KLF12: variants seen among roughly 807,000 people sequenced by gnomAD.
The protein encoded by KLF12 is KLF transcription factor 12, also known as Krueppel-like factor 12.
In KLF12, 9 loss-of-function variants were observed where a neutral mutation model predicts 37.8. The ratio of observed to expected loss-of-function variants is 0.24; its 90% CI spans 0.14 to 0.42. The LOEUF is 0.42. KLF12 is among the 10% of genes least tolerant of loss of function. The pLI, the probability that KLF12 is intolerant of heterozygous loss-of-function variation, is 1.00. For synonymous variants in KLF12, 208 were observed against 202.1 expected (o/e 1.03, Z -0.25); for missense variants, 411 against 516.0 (o/e 0.80, Z 1.97).
chr13:74,267,772 G>A, the KLF12 span, among the ~76,000 whole-genome samples: 2 of 152,148 alleles, frequency 1.3e-5, no homozygotes, highest in Non-Finnish European at 2.9e-5. Flanking sequence ...TGTTTTAGGT[G>A]ATGGATACCC....
chr13:73,847,047 C>CAA (rs1566413493), intron 3 of KLF12, among the ~76,000 whole-genome samples: 1 of 152,114 alleles, frequency 6.6e-6, no homozygotes, highest in South Asian at 2.1e-4. Context: ...CACCTGCACT[C>CAA]TTTTAAGTTT....
intron 1 of KLF12, among the ~76,000 whole-genome samples, chr13:74,007,331 A>G (rs1216660253): frequency 6.6e-6 from 1 of 151,242 alleles, no homozygotes; most frequent in Non-Finnish European, 1.5e-5. Flanking sequence ...GTTGGAGTGC[A>G]GTGGCGCGAT....
At chr13:73,822,346 T>C (rs1012522628) in intron 4 of KLF12, among the ~76,000 whole-genome samples, 2 of 152,220 alleles carry the variant, frequency 1.3e-5, no homozygotes, top group Admixed American at 1.3e-4. Flanking sequence ...GGCTTTCCTT[T>C]CAGGAAATCA....
chr13:73,707,751 G>A (rs965276915), intron 7 of KLF12, among the ~76,000 whole-genome samples: 3 of 152,180 alleles, frequency 2.0e-5, no homozygotes, highest in Non-Finnish European at 4.4e-5. Context: ...AGGATGCACA[G>A]CTGTCACAAA....
chr13:74,036,574 A>C (rs1260973702), intron 1 of KLF12, among the ~76,000 whole-genome samples: 1 of 152,188 alleles, frequency 6.6e-6, no homozygotes, highest in Non-Finnish European at 1.5e-5. Context: ...TTCTATCCAG[A>C]TGACAGAGGA....
chr13:73,880,292 A>G (rs115034457), intron 3 of KLF12, among the ~76,000 whole-genome samples: 1,699 of 152,300 alleles, frequency 0.011, 34 homozygotes, highest in African/African-American at 0.038. Flanking sequence ...CTCCAAATGA[A>G]CAAACACCAA....
chr13:73,919,677 A>G lies in KLF12; in HGVS notation c.123+24304T>C, dbSNP rs113829449. On this transcript the variant is annotated intron_variant, in intron 3 of 7. Coordinates refer to ENST00000377669, the MANE Select transcript of KLF12 (RefSeq NM_007249.5). ...CTATATCATTAACATTGCACGCCATATTGTTGTGAATCAATCCTCTAATTT... is the reference window on the plus strand; with the variant it reads ...CTATATCATTAACATTGCACGCCATGTTGTTGTGAATCAATCCTCTAATTT... Among the ~76,000 whole-genome samples, 270 of 152,312 alleles carry G rather than the reference A, an allele frequency of 1.8e-3. 2 individuals carry two copies. The highest frequency in any genetic ancestry group is 6.1e-3 in the African/African-American group (254 of 41,578).
At chr13:74,138,823 AC>A (rs1430263346), upstream of KLF12, among the ~76,000 whole-genome samples, 2 of 152,178 alleles carry the variant, frequency 1.3e-5, no homozygotes, top group Non-Finnish European at 2.9e-5. Flanking sequence ...CAAATTAGTT[AC>A]AACAAAATAC....
intron 1 of KLF12, among the ~76,000 whole-genome samples, chr13:74,006,633 A>T (rs1892416642): frequency 6.6e-6 from 1 of 152,164 alleles, no homozygotes; most frequent in South Asian, 2.1e-4. Context: ...ACTTCCAAGA[A>T]CTCAAAACTG....
chr13:73,708,219 A>C (rs1370704556), intron 7 of KLF12, among the ~76,000 whole-genome samples: 1 of 152,190 alleles, frequency 6.6e-6, no homozygotes, highest in Admixed American at 6.5e-5. Context: ...CCTTAAGTTT[A>C]CTAATTTTTA....
chr13:74,046,567 C>T lies in KLF12; in HGVS notation c.-31-51514G>A, dbSNP rs942452409. 2.6e-5 allele frequency among the ~76,000 whole-genome samples: 4 copies of T among 151,970 alleles called. No individual in the cohort carries two copies. In the South Asian group the frequency reaches 8.3e-4, roughly 31 times the overall value. On this transcript the variant is annotated intron_variant, in intron 1 of 7. Transcript: ENST00000377669. ...AAAGAAGAAAGGAAAAGAAAAAAGA[C>T]TGAACAACTATGTCACTGGGTGGGA...
chr13:74,041,691 TACACACACACACACACACACACAC>T (rs59315484), intron 1 of KLF12, among the ~76,000 whole-genome samples: 3 of 142,270 alleles, frequency 2.1e-5, no homozygotes, highest in African/African-American at 7.9e-5. Flanking sequence ...ATCGCTGATT[TACACACACACACACACACACACAC>T]ACACACACAC....
At chr13:73,846,423 T>G in intron 3 of KLF12, 50 bp from the exon 4 acceptor site, 1 of 1,489,032 alleles carries the variant, frequency 6.7e-7, no homozygotes, top group Non-Finnish European at 9.2e-7. Context: ...ATCACACATT[T>G]TATCGATGCA....
At chr13:74,249,766 G>C in the KLF12 span, among the ~76,000 whole-genome samples, 16,043 of 152,118 alleles carry the variant, frequency 0.11, 909 homozygotes, top group South Asian at 0.2. Flanking sequence ...ATGCTCTGTG[G>C]GGTCCTTGGA....
chr13:73,720,883 T>C lies in KLF12; in HGVS notation c.870-5358A>G, dbSNP rs566369360. 1.3e-4 allele frequency among the ~76,000 whole-genome samples: 19 copies of C among 151,700 alleles called. No individual in the cohort carries two copies. The East Asian group carries it at 3.7e-3, about 29-fold the overall frequency. On this transcript the variant is annotated intron_variant, in intron 6 of 7. Transcript: ENST00000377669. ...ACTGAAACTGGAGTTTTTACAGGAG[T>C]TAAAAAAAAATTAAAAAGGCCAGGA...
the KLF12 span, among the ~76,000 whole-genome samples, chr13:74,293,888 G>T: frequency 3.3e-5 from 5 of 152,310 alleles, no homozygotes; most frequent in South Asian, 6.2e-4. Context: ...GCTCTTAAAA[G>T]TGTATAGAGT....
At chr13:73,868,392 G>A (rs535348226) in intron 3 of KLF12, among the ~76,000 whole-genome samples, 32 of 149,628 alleles carry the variant, frequency 2.1e-4, no homozygotes, top group African/African-American at 5.6e-4. Context: ...ATTTTTGTTC[G>A]TTTGTTTTTT....
At chr13:73,708,938 T>C (rs1296447740) in intron 7 of KLF12, among the ~76,000 whole-genome samples, 1 of 152,212 alleles carries the variant, frequency 6.6e-6, no homozygotes, top group Non-Finnish European at 1.5e-5. Context: ...AGACAGTGGA[T>C]ATAAATAATT....
the KLF12 span, among the ~76,000 whole-genome samples, chr13:74,209,411 C>T: frequency 6.6e-6 from 1 of 151,832 alleles, no homozygotes; most frequent in Non-Finnish European, 1.5e-5. Flanking sequence ...TTAGCCATTT[C>T]TGATTCCTAC....
Sources: gnomAD v4.1 joint callset for allele counts (sites outside exome capture counted in the v4.1 genomes callset) on GRCh38, gnomAD v4.1.1 for gene constraint, MANE v1.5 for transcripts, NCBI Gene and HGNC (gene_info 2026-07-23, HGNC 2026-07-21) for gene names.